The following DIAPH3 variants were observed in gnomAD, a reference collection of about 807,000 sequenced individuals.
DIAPH3 encodes the protein diaphanous related formin 3.
Under a neutral mutation model 144.3 loss-of-function variants are expected in DIAPH3, and 117 were observed. That is an observed-to-expected ratio of 0.81 (90% confidence interval 0.70 to 0.95). DIAPH3 has a LOEUF of 0.95. Ranked by LOEUF, DIAPH3 falls within the 40% of genes least tolerant of loss-of-function variation. The pLI is 0.00. For missense variants in DIAPH3, 1,421 were observed against 1,412.7 expected, an observed-to-expected ratio of 1.01 and a Z score of -0.09; for synonymous variants, 519 against 488.9, an observed-to-expected ratio of 1.06 and a Z score of -0.81.
At chr13:59,697,535 T>A (rs2033885421) in intron 27 of DIAPH3, among the ~76,000 whole-genome samples, 1 of 149,058 alleles carries the variant, frequency 6.7e-6, no homozygotes, top group Non-Finnish European at 1.5e-5. Context: ...TGTGATTATT[T>A]CATGTAATTT....
rs2036510328 is a variant in DIAPH3, at chr13:59,742,562, A to T, written c.3319+31627T>A. ...TGATGTAAGCATGGATGCTGCTAAA[A>T]GAAGAAAAGAAAAGAAAGAAAAGGA... On this transcript the variant is annotated intron_variant, in intron 27 of 27. Transcript: ENST00000400324. 3.9e-5 allele frequency among the ~76,000 whole-genome samples: 6 copies of T among 152,012 alleles called. No individual in the cohort carries two copies. In the South Asian group the frequency reaches 1.2e-3, roughly 32 times the overall value.
intron 25 of DIAPH3, among the ~76,000 whole-genome samples, chr13:59,775,733 ATAGTT>A (rs771738341): frequency 5.3e-4 from 44 of 83,048 alleles, no homozygotes; most frequent in Non-Finnish European, 1.1e-3. Context: ...TACAGAACGT[ATAGTT>A]TATCTTCTAT....
At chr13:59,925,108 CA>C (rs1247995812) in intron 17 of DIAPH3, among the ~76,000 whole-genome samples, 2 of 151,858 alleles carry the variant, frequency 1.3e-5, no homozygotes, top group African/African-American at 4.8e-5. Context: ...ACAGGAAAAA[CA>C]AAAATAAAAC....
chr13:59,980,602 T>G (rs767574468), intron 14 of DIAPH3, among the ~76,000 whole-genome samples, 193 bp downstream of exon 14: 1 of 151,438 alleles, frequency 6.6e-6, no homozygotes, highest in East Asian at 1.9e-4. Context: ...GAAAGAAGAA[T>G]AGGGAAGGTC....
At chr13:59,861,238 C>T in intron 22 of DIAPH3, 169 bp downstream of exon 22, 1 of 1,509,306 alleles carries the variant, frequency 6.6e-7, no homozygotes, top group Non-Finnish European at 8.8e-7. Context: ...CTCATAGCTC[C>T]AATCATGACA....
chr13:59,828,127 G>C (rs1213745763), intron 24 of DIAPH3, among the ~76,000 whole-genome samples: 1 of 151,954 alleles, frequency 6.6e-6, no homozygotes, highest in Non-Finnish European at 1.5e-5. Flanking sequence ...CATATAGTAT[G>C]AGGTCAGATA....
intron 1 of DIAPH3, among the ~76,000 whole-genome samples, chr13:60,143,644 T>A (rs898364663): frequency 2.0e-5 from 3 of 152,146 alleles, no homozygotes; most frequent in African/African-American, 7.2e-5. Context: ...CTGTAATCCA[T>A]CTAAATCCAT....
chr13:60,061,225 G>C (rs2056757780), intron 4 of DIAPH3, among the ~76,000 whole-genome samples: 2 of 151,986 alleles, frequency 1.3e-5, no homozygotes, highest in South Asian at 2.1e-4. Context: ...GTGTGTTTTA[G>C]GAGCTAGATG....
At chr13:59,951,113 T>C (rs995156075) in intron 17 of DIAPH3, among the ~76,000 whole-genome samples, 1 of 152,138 alleles carries the variant, frequency 6.6e-6, no homozygotes, top group African/African-American at 2.4e-5. Context: ...TGAGGTTTGG[T>C]TGCATCCCCA....
intron 4 of DIAPH3, among the ~76,000 whole-genome samples, chr13:60,058,323 A>G (rs1222584744): frequency 6.6e-6 from 1 of 152,038 alleles, no homozygotes; most frequent in Non-Finnish European, 1.5e-5. Flanking sequence ...GGAAATGCAA[A>G]TTAAAACCAT....
Position 59,891,237 on chromosome 13 carries a change from C to A in DIAPH3, c.2368-11769G>T, listed in dbSNP as rs922193021. Among the ~76,000 whole-genome samples the A allele has an allele frequency of 4.6e-5, 7 of 151,930 alleles. No individual in the cohort carries two copies. The East Asian group carries it at 7.7e-4, about 17-fold the overall frequency. ...TTGCAAAGTGATGAATCACAAGAGA[C>A]CTTTTTGCTTATAACTACAAAATGC... is the stretch of plus-strand genomic sequence containing the variant. On this transcript the variant is annotated intron_variant, in intron 20 of 27. Transcript: ENST00000400324.
chr13:59,861,680 T>C, intron 21 of DIAPH3, 144 bp from the exon 22 acceptor site: 1 of 923,848 alleles, frequency 1.1e-6, no homozygotes, highest in African/African-American at 1.7e-5. Flanking sequence ...AACAAATATT[T>C]AAATACTCGA....
Position 59,940,064 on chromosome 13 carries a change from C to T in DIAPH3, c.2075-15194G>A, listed in dbSNP as rs543116843. ...TAAAATGAAAATCTCCCAATGTTTT[C>T]GAGCCTGCCCCCACTCCCCTAAACA... On this transcript the variant is annotated intron_variant, in intron 17 of 27. Transcript: ENST00000400324. Among the ~76,000 whole-genome samples, 102 of 152,200 alleles carry T rather than the reference C, an allele frequency of 6.7e-4. 1 individual carries two copies. The highest frequency in any genetic ancestry group is 1.0e-3 in the Admixed American group (16 of 15,270).
chr13:59,842,463 A>G (rs2042401514), intron 22 of DIAPH3, among the ~76,000 whole-genome samples: 1 of 152,258 alleles, frequency 6.6e-6, no homozygotes, highest in Non-Finnish European at 1.5e-5. Context: ...ACACCAATCA[A>G]TTGTCTAATT....
chr13:59,870,665 G>GT (rs35207685), intron 21 of DIAPH3, among the ~76,000 whole-genome samples: 77,382 of 139,132 alleles, frequency 0.56, 22,369 homozygotes, highest in East Asian at 0.72. Flanking sequence ...TTTTGTAGGT[G>GT]TTTTTTTTTT....
At chr13:59,689,167 C>G (rs1038723628) in intron 27 of DIAPH3, among the ~76,000 whole-genome samples, 2 of 152,036 alleles carry the variant, frequency 1.3e-5, no homozygotes, top group Admixed American at 1.3e-4. Flanking sequence ...TGAAAGGCCA[C>G]AAGATTTCTG....
At chr13:59,888,612 GT>G (rs2045596334) in intron 20 of DIAPH3, among the ~76,000 whole-genome samples, 1 of 151,926 alleles carries the variant, frequency 6.6e-6, no homozygotes, top group Non-Finnish European at 1.5e-5. Context: ...GTTACGCAAT[GT>G]TTTTTATTAC....
chr13:59,741,995 T>C (rs1340207344), intron 27 of DIAPH3, among the ~76,000 whole-genome samples: 3 of 152,060 alleles, frequency 2.0e-5, no homozygotes, highest in African/African-American at 7.2e-5. Flanking sequence ...GGACTCACAG[T>C]TCCACACGGC....
intron 9 of DIAPH3, among the ~76,000 whole-genome samples, chr13:60,003,336 T>A (rs1285961282): frequency 6.6e-6 from 1 of 152,148 alleles, no homozygotes; most frequent in African/African-American, 2.4e-5. Flanking sequence ...TCTGTTCAAT[T>A]TGTTTCATAG....
Sources: allele counts gnomAD v4.1 joint callset (sites outside exome capture counted in the v4.1 genomes callset), GRCh38; gene constraint gnomAD v4.1.1; transcripts MANE v1.5; gene names NCBI Gene and HGNC (gene_info 2026-07-23, HGNC 2026-07-21).